PDE7B: variants seen among roughly 807,000 people sequenced by gnomAD.
PDE7B encodes the protein phosphodiesterase 7B.
In PDE7B, 29 loss-of-function variants were observed where a neutral mutation model predicts 56.2. The observed-to-expected ratio is 0.52, with a 90% CI of 0.38 to 0.70. PDE7B has a LOEUF of 0.70. PDE7B is among the 30% of genes least tolerant of loss of function. PDE7B has a pLI of 0.00. For missense variants in PDE7B, 490 were observed against 565.0 expected (o/e 0.87, Z 1.35); for synonymous variants, 197 against 196.9 (o/e 1.00, Z 0.00).
In PDE7B at chr6:136,147,482, G is replaced by A; in HGVS notation, c.298G>A (p.Asp100Asn). The change falls in exon 4 of 13, where the codon GAC becomes AAC. Residue 100 changes from aspartate to asparagine, a missense_variant. By Grantham distance (23) the Asp-to-Asn change is conservative. Coordinates refer to ENST00000308191, the MANE Select transcript of PDE7B (RefSeq NM_018945.4). ...AGCCCCTCTGCACCTGCTGGATGAA[G>A]ACTACCTTGGACAAGCAAGGGTAAG... ...PQAPLHLLDE[D>N]YLGQARHMLS... is the part of the protein sequence containing the mutation. 1 of 1,613,880 alleles carries A rather than the reference G, an allele frequency of 6.2e-7. No homozygotes were observed. Among genetic ancestry groups the A allele is most frequent in the Non-Finnish European group, 8.5e-7 (1 of 1,179,882 alleles).
chr6:136,067,705 C>T (rs1281222715), intron 2 of PDE7B, among the ~76,000 whole-genome samples: 1 of 152,202 alleles, frequency 6.6e-6, no homozygotes, highest in Admixed American at 6.5e-5. Context: ...TGTGGCTTCA[C>T]ATCTAAGCAA....
At chr6:135,956,225 A>G (rs1296092147) in intron 2 of PDE7B, among the ~76,000 whole-genome samples, 6 of 152,186 alleles carry the variant, frequency 3.9e-5, no homozygotes, top group African/African-American at 1.4e-4. Context: ...GGAGACTAAA[A>G]TAGAGTGGGC....
chr6:136,140,688 C>T (rs1337994749), intron 3 of PDE7B, among the ~76,000 whole-genome samples: 1 of 151,862 alleles, frequency 6.6e-6, no homozygotes. Context: ...CCTTCACATC[C>T]CTTGTAAGTT....
Position 136,147,510 on chromosome 6 carries a change from G to T in PDE7B, c.318+8G>T. The T allele has an allele frequency of 6.2e-7, 1 of 1,613,042 alleles. No homozygotes were observed. The highest frequency in any genetic ancestry group is 1.3e-5 in the African/African-American group (1 of 75,022). On this transcript the variant is annotated splice_region_variant and intron_variant, in intron 4 of 12. Transcript: ENST00000308191. ...TACCTTGGACAAGCAAGGGTAAGCT[G>T]ACTGCCCCATCTCCTCACAGCAGGC...
At chr6:136,056,730 C>T (rs187469113) in intron 2 of PDE7B, among the ~76,000 whole-genome samples, 267 of 151,820 alleles carry the variant, frequency 1.8e-3, no homozygotes, top group African/African-American at 6.3e-3. Context: ...CGGGGTTTTG[C>T]CATGTTGGCC....
intron 1 of PDE7B, among the ~76,000 whole-genome samples, chr6:135,894,466 T>A (rs1775862451): frequency 1.3e-5 from 2 of 152,098 alleles, no homozygotes; most frequent in African/African-American, 2.4e-5. Context: ...ATAACAAGAA[T>A]TATAACCTGT....
chr6:135,942,459 A>G (rs1562447646), intron 1 of PDE7B, among the ~76,000 whole-genome samples: 4 of 152,188 alleles, frequency 2.6e-5, no homozygotes, highest in Admixed American at 1.3e-4. Context: ...GCTAATCAAC[A>G]TATGCCTTAC....
At chr6:136,025,229 T>C (rs1776131801) in intron 2 of PDE7B, among the ~76,000 whole-genome samples, 1 of 152,202 alleles carries the variant, frequency 6.6e-6, no homozygotes, top group African/African-American at 2.4e-5. Context: ...TGGGCGGTGC[T>C]TTAAGGAAGA....
chr6:135,928,431 A>T (rs984657801), intron 1 of PDE7B, among the ~76,000 whole-genome samples: 108 of 108,096 alleles, frequency 1.0e-3, no homozygotes, highest in Middle Eastern at 4.0e-3. Flanking sequence ...AAATGTGATT[A>T]TATATATATA....
intron 8 of PDE7B, among the ~76,000 whole-genome samples, chr6:136,169,776 A>T (rs1778851324): frequency 6.6e-6 from 1 of 152,216 alleles, no homozygotes; most frequent in East Asian, 1.9e-4. Context: ...AAATTAGTCT[A>T]GCATGTGATT....
At chr6:135,878,376 TTA>T (rs1775540804) in intron 1 of PDE7B, among the ~76,000 whole-genome samples, 2 of 152,176 alleles carry the variant, frequency 1.3e-5, no homozygotes, top group Non-Finnish European at 2.9e-5. Context: ...AATGTACACT[TTA>T]ACTTTATAAA....
intron 2 of PDE7B, among the ~76,000 whole-genome samples, chr6:136,006,610 T>G (rs1355989521): frequency 6.6e-6 from 1 of 152,198 alleles, no homozygotes; most frequent in Non-Finnish European, 1.5e-5. Context: ...TAATTCCCAT[T>G]GTAGAGATAT....
chr6:136,068,386 C>T lies in PDE7B; in HGVS notation c.83-40345C>T, dbSNP rs193008823. Among the ~76,000 whole-genome samples the T allele has an allele frequency of 5.9e-3, 886 of 149,692 alleles. 6 individuals are homozygous for T. The highest frequency in any genetic ancestry group is 0.021 in the Middle Eastern group (6 of 284). ...GACCTGGAATCAATAGAAGGGAGTG[C>T]CTGGGTTAAGAGAAGGGGTTGTGGA... On this transcript the variant is annotated intron_variant, in intron 2 of 12. Transcript: ENST00000308191.
chr6:135,963,055 T>C (rs1774934752), intron 2 of PDE7B, among the ~76,000 whole-genome samples: 1 of 152,150 alleles, frequency 6.6e-6, no homozygotes, highest in African/African-American at 2.4e-5. Flanking sequence ...ACAAATGATA[T>C]CAAGTAATGT....
chr6:135,993,873 G>T (rs745911625), intron 2 of PDE7B, among the ~76,000 whole-genome samples: 9 of 152,176 alleles, frequency 5.9e-5, no homozygotes, highest in Non-Finnish European at 1.2e-4. Context: ...CACCAGTCAA[G>T]TGGATGTGGA....
intron 2 of PDE7B, among the ~76,000 whole-genome samples, chr6:136,005,666 C>T (rs1179924204): frequency 2.0e-5 from 3 of 152,186 alleles, no homozygotes; most frequent in South Asian, 4.1e-4. Context: ...TACTGTCTCA[C>T]ACCAGTTAGA....
chr6:136,029,340 C>G (rs1300410793), intron 2 of PDE7B, among the ~76,000 whole-genome samples: 1 of 152,116 alleles, frequency 6.6e-6, no homozygotes, highest in Non-Finnish European at 1.5e-5. Flanking sequence ...TTATTAAAAG[C>G]CCAGTTATCT....
intron 2 of PDE7B, among the ~76,000 whole-genome samples, chr6:136,062,210 C>G (rs935356101): frequency 6.6e-6 from 1 of 151,994 alleles, no homozygotes; most frequent in Non-Finnish European, 1.5e-5. Flanking sequence ...AAATTTTTTC[C>G]ACCTTTATTG....
intron 1 of PDE7B, among the ~76,000 whole-genome samples, chr6:135,895,897 C>T (rs1260991814): frequency 6.6e-6 from 1 of 152,156 alleles, no homozygotes; most frequent in East Asian, 1.9e-4. Flanking sequence ...CTGATTCCAT[C>T]ACACTCCCTA....
Sources: allele counts gnomAD v4.1 joint callset (sites outside exome capture counted in the v4.1 genomes callset), GRCh38; gene constraint gnomAD v4.1.1; transcripts MANE v1.5; gene names NCBI Gene and HGNC (gene_info 2026-07-23, HGNC 2026-07-21).